OR2M4: variants seen among roughly 807,000 people sequenced by gnomAD.
OR2M4 encodes olfactory receptor family 2 subfamily M member 4.
A neutral mutation model predicts 13.7 loss-of-function variants in OR2M4; 8 were observed. That is an observed-to-expected ratio of 0.58 (90% CI 0.34 to 1.05). The LOEUF (loss-of-function observed/expected upper bound fraction) is 1.05, where lower values mean the gene tolerates loss of function less well. OR2M4 is among the 50% of genes least tolerant of loss of function. OR2M4 has a pLI of 0.02. For synonymous variants in OR2M4, 152 were observed against 141.3 expected, an observed-to-expected ratio of 1.08 and a Z score of -0.53; for missense variants, 374 against 381.6, an observed-to-expected ratio of 0.98 and a Z score of 0.17.
rs1415381878 is a variant in OR2M4, at chr1:248,244,522, A to G, written c.*4658A>G. 2 of 152,182 alleles carry G rather than the reference A, an allele frequency of 1.3e-5. No individual in the cohort carries two copies. Among genetic ancestry groups the G allele is most frequent in the African/African-American group, 4.8e-5 (2 of 41,412 alleles). 9.4% of individuals were successfully genotyped at this position (152,182 alleles called of 1,614,324 possible). A position where few individuals can be genotyped will look rare whatever the true frequency, so the allele number is the denominator to read the frequency against. On this transcript the variant is annotated 3_prime_UTR_variant, in exon 2 of 2. Transcript: ENST00000641868. ...AAGGATGTAAAGATGGAAACAATAG[A>G]CACTGTGGACTACCAAATGGGGAAG...
rs189132534 is a variant in OR2M4 at position 248,236,368 on chromosome 1, A to C, written c.-19-2542A>C. 1.9e-3 allele frequency among the ~76,000 whole-genome samples: 283 copies of C among 152,312 alleles called. 1 individual carries two copies. The highest frequency in any genetic ancestry group is 6.5e-3 in the African/African-American group (270 of 41,562). ...AAGGAGTTCTTTGAAACCAATGAGAACAAAGAGACAATGTATCAAAATCTC... is the reference window on the plus strand; with the variant it reads ...AAGGAGTTCTTTGAAACCAATGAGACCAAAGAGACAATGTATCAAAATCTC... On this transcript the variant is annotated intron_variant, in intron 1 of 1. Transcript: ENST00000641868.
chr1:248,235,614 G>C (rs907105854), intron 1 of OR2M4, among the ~76,000 whole-genome samples: 2 of 152,034 alleles, frequency 1.3e-5, no homozygotes, highest in African/African-American at 4.8e-5. Flanking sequence ...TCATGATATT[G>C]ATTCTTCCCA....
In OR2M4 at chr1:248,239,398, T is replaced by C. The variant is rs1666591756; in HGVS notation, c.470T>C (p.Ile157Thr). ...ASWTLGSLDG[I>T]IVLAAVLSFS... ...TGGACCTTGGGGTCTCTTGATGGGATCATAGTGCTTGCAGCTGTCCTGTCA... is the reference window on the plus strand; with the variant it reads ...TGGACCTTGGGGTCTCTTGATGGGACCATAGTGCTTGCAGCTGTCCTGTCA... The change falls in exon 2 of 2, where the codon ATC becomes ACC. Residue 157 changes from isoleucine to threonine, a missense_variant. Transcript: ENST00000641868. 2 of 1,614,140 alleles carry C rather than the reference T, an allele frequency of 1.2e-6. No individual in the cohort carries two copies. Among genetic ancestry groups the C allele is most frequent in the Non-Finnish European group, 1.7e-6 (2 of 1,180,016 alleles).
chr1:248,239,127 T>G lies in OR2M4; in HGVS notation c.199T>G (p.Ser67Ala). 3 of 1,613,972 alleles carry G rather than the reference T, an allele frequency of 1.9e-6. No homozygotes were observed. The highest frequency in any genetic ancestry group is 2.5e-6 in the Non-Finnish European group (3 of 1,179,922). The change falls in exon 2 of 2, where the codon TCC becomes GCC. Residue 67 changes from serine to alanine, a missense_variant. Ser to Ala is a moderately conservative substitution (Grantham distance 99). Transcript: ENST00000641868. ...TPMYFLLSQL[S>A]LMDLMLICTT... is the part of the protein sequence containing the mutation. ...CATGTACTTCCTCCTCAGTCAACTG[T>G]CCCTTATGGACCTCATGCTCATCTG...
At chr1:248,238,595 A>G (rs1666581002) in intron 1 of OR2M4, among the ~76,000 whole-genome samples, 1 of 152,208 alleles carries the variant, frequency 6.6e-6, no homozygotes, top group African/African-American at 2.4e-5. Context: ...CAATAAAGGC[A>G]TACAGTGATT....
At position 248,240,094 on chromosome 1, in the gene OR2M4, G is replaced by A. The variant is rs987257053; in HGVS notation, c.*230G>A. ...CTGTGAATGACAATTATATTATTAGGTGTCACACATGGGTGGTACTTGATT... is the reference window on the plus strand; with the variant it reads ...CTGTGAATGACAATTATATTATTAGATGTCACACATGGGTGGTACTTGATT... On this transcript the variant is annotated 3_prime_UTR_variant, in exon 2 of 2. Transcript: ENST00000641868. 5.3e-6 allele frequency: 2 copies of A among 375,682 alleles called. No homozygotes were observed. Among genetic ancestry groups the A allele is most frequent in the African/African-American group, 2.1e-5 (1 of 47,638 alleles). The allele number at this position is 375,682 out of a possible 1,614,324, so 23.3% of individuals were successfully genotyped here.
chr1:248,240,096 G>A lies in OR2M4; in HGVS notation c.*232G>A, dbSNP rs370031648. 101 of 368,844 alleles carry A rather than the reference G, an allele frequency of 2.7e-4. 2 individuals carry two copies. The South Asian group carries it at 5.2e-3, about 19-fold the overall frequency. 22.8% of individuals were successfully genotyped at this position (368,844 alleles called of 1,614,324 possible). A position where few individuals can be genotyped will look rare whatever the true frequency, so the allele number is the denominator to read the frequency against. On this transcript the variant is annotated 3_prime_UTR_variant, in exon 2 of 2. Coordinates refer to ENST00000641868, the MANE Select transcript of OR2M4 (RefSeq NM_017504.2). ...GTGAATGACAATTATATTATTAGGTGTCACACATGGGTGGTACTTGATTTT... is the reference window on the plus strand; with the variant it reads ...GTGAATGACAATTATATTATTAGGTATCACACATGGGTGGTACTTGATTTT...
At position 248,240,159 on chromosome 1, in the gene OR2M4, G is replaced by T; in HGVS notation, c.*295G>T. 4.8e-6 allele frequency: 1 copy of T among 206,348 alleles called. No homozygotes were observed. Among genetic ancestry groups the T allele is most frequent in the Non-Finnish European group, 9.6e-6 (1 of 104,116 alleles). The allele number at this position is 206,348 out of a possible 1,614,324, so 12.8% of individuals were successfully genotyped here. A position where few individuals can be genotyped will look rare whatever the true frequency, so the allele number is the denominator to read the frequency against. ...TTTGAAGCCAGGTATAAGTCCGAAG[G>T]GTCTTAGCTGTATCAAAAAGCAAAG... is the stretch of plus-strand genomic sequence containing the variant. On this transcript the variant is annotated 3_prime_UTR_variant, in exon 2 of 2. Coordinates refer to ENST00000641868, the MANE Select transcript of OR2M4 (RefSeq NM_017504.2).
chr1:248,235,136 G>C (rs980848110), intron 1 of OR2M4, among the ~76,000 whole-genome samples: 2 of 151,942 alleles, frequency 1.3e-5, no homozygotes, highest in African/African-American at 4.8e-5. Flanking sequence ...TTATGGTTTG[G>C]AATTTTACAT....
intron 1 of OR2M4, among the ~76,000 whole-genome samples, chr1:248,236,998 G>A (rs1666563372): frequency 6.6e-6 from 1 of 152,126 alleles, no homozygotes; most frequent in Non-Finnish European, 1.5e-5. Context: ...AAGAGGAGCT[G>A]GTACCATTCT....
chr1:248,235,235 T>C lies in OR2M4; in HGVS notation c.-20+3655T>C, dbSNP rs1572805010. Among the ~76,000 whole-genome samples the C allele has an allele frequency of 2.0e-5, 3 of 152,290 alleles. 1 individual carries two copies. The Middle Eastern group carries it at 0.01, about 518-fold the overall frequency. On this transcript the variant is annotated intron_variant, in intron 1 of 1. Coordinates refer to ENST00000641868, the MANE Select transcript of OR2M4 (RefSeq NM_017504.2). ...GTTTTCTGCATATGGCTAGCCAGTT[T>C]TCCCAGCACCATTTACTAAATAGGG... is the stretch of plus-strand genomic sequence containing the variant.
rs74155238 is a variant in OR2M4, at chr1:248,233,592, T to C, written c.-20+2012T>C. 8.2e-3 allele frequency among the ~76,000 whole-genome samples: 1,253 copies of C among 152,162 alleles called. 18 individuals are homozygous for C. The highest frequency in any genetic ancestry group is 0.029 in the African/African-American group (1,215 of 41,486). ...AATAATCTTCAGAAAATAGTCAGTA[T>C]CAAAAAAAATTATATGAGTATGCAA... On this transcript the variant is annotated intron_variant, in intron 1 of 1. Transcript: ENST00000641868.
In OR2M4 at chr1:248,241,511, T is replaced by G. The variant is rs771920066; in HGVS notation, c.*1647T>G. ...TTGACATGCTTATTTTTAAGTATAGTATAATCAAATGTTTTCTAATTTAAA... is the reference window on the plus strand; with the variant it reads ...TTGACATGCTTATTTTTAAGTATAGGATAATCAAATGTTTTCTAATTTAAA... On this transcript the variant is annotated 3_prime_UTR_variant, in exon 2 of 2. Coordinates refer to ENST00000641868, the MANE Select transcript of OR2M4 (RefSeq NM_017504.2). 7 of 152,192 alleles carry G rather than the reference T, an allele frequency of 4.6e-5. No homozygotes were observed. The highest frequency in any genetic ancestry group is 8.8e-5 in the Non-Finnish European group (6 of 68,032). 9.4% of individuals were successfully genotyped at this position (152,192 alleles called of 1,614,324 possible).
chr1:248,241,218 A>G lies in OR2M4; in HGVS notation c.*1354A>G, dbSNP rs780826616. 6.6e-6 allele frequency: 1 copy of G among 152,120 alleles called. No homozygotes were observed. The highest frequency in any genetic ancestry group is 1.5e-5 in the Non-Finnish European group (1 of 68,010). The allele number at this position is 152,120 out of a possible 1,614,324, so 9.4% of individuals were successfully genotyped here. On this transcript the variant is annotated 3_prime_UTR_variant, in exon 2 of 2. Transcript: ENST00000641868. ...TCAGGCTGCACAGCTCATGGCTCCA[A>G]AAGAGTTCTTCCACTTGAGGAGAAG...
chr1:248,236,308 A>G (rs1666555957), intron 1 of OR2M4, among the ~76,000 whole-genome samples: 1 of 152,068 alleles, frequency 6.6e-6, no homozygotes, highest in Non-Finnish European at 1.5e-5. Flanking sequence ...CTCCCAAATG[A>G]CTCCTGGATA....
In OR2M4 at chr1:248,232,983, C is replaced by T. The variant is rs1018699900; in HGVS notation, c.-20+1403C>T. On this transcript the variant is annotated intron_variant, in intron 1 of 1. Transcript: ENST00000641868. ...ATATCTTGTTATTTATCACATTCTT[C>T]TATTTCTAAACGTTAAAATGGATAA... Among the ~76,000 whole-genome samples the T allele has an allele frequency of 4.6e-5, 7 of 152,182 alleles. 1 individual carries two copies. Among genetic ancestry groups the T allele is most frequent in the African/African-American group, 1.4e-4 (6 of 41,534 alleles).
chr1:248,236,969 T>C (rs551435356), intron 1 of OR2M4, among the ~76,000 whole-genome samples: 8 of 152,260 alleles, frequency 5.3e-5, no homozygotes, highest in African/African-American at 1.9e-4. Context: ...ATTCACAACC[T>C]GATTCTATCA....
intron 1 of OR2M4, among the ~76,000 whole-genome samples, chr1:248,234,670 T>G (rs1666539647): frequency 6.6e-6 from 1 of 152,140 alleles, no homozygotes; most frequent in Non-Finnish European, 1.5e-5. Context: ...TTTTTATGGC[T>G]GCATAGTTTT....
chr1:248,237,675 A>G (rs1666572361), intron 1 of OR2M4, among the ~76,000 whole-genome samples: 1 of 152,116 alleles, frequency 6.6e-6, no homozygotes, highest in African/African-American at 2.4e-5. Context: ...ACAAAACAAA[A>G]CAAAAAAACT....
Sources: gnomAD v4.1 joint callset for allele counts (sites outside exome capture counted in the v4.1 genomes callset) on GRCh38, gnomAD v4.1.1 for gene constraint, MANE v1.5 for transcripts, NCBI Gene and HGNC (gene_info 2026-07-23, HGNC 2026-07-21) for gene names.